Variants in INPP5J observed in about 807,000 individuals in gnomAD.
INPP5J encodes the protein phosphatidylinositol 4,5-bisphosphate 5-phosphatase A.
A neutral mutation model predicts 86.6 loss-of-function variants in INPP5J; 75 were observed. The observed-to-expected ratio is 0.87, with a 90% CI of 0.72 to 1.05. The LOEUF (loss-of-function observed/expected upper bound fraction) is 1.05. Ranked by LOEUF, INPP5J falls within the 50% of genes least tolerant of loss-of-function variation. The probability of loss-of-function intolerance (pLI) is 0.00; values close to 1 mark genes in which losing one functional copy is unlikely to be tolerated. For missense variants in INPP5J, 1,229 were observed against 1,341.2 expected (o/e 0.92, Z 1.31); for synonymous variants, 540 against 550.0 (o/e 0.98, Z 0.25).
chr22:31,127,327 CCCATGAG>C, intron 5 of INPP5J, 23 bp from the exon 6 acceptor site: 3 of 1,579,176 alleles, frequency 1.9e-6, no homozygotes, highest in Non-Finnish European at 2.6e-6. Context: ...CTAAGCCCCG[CCCATGAG>C]CCATCCGACC....
At position 31,133,720 on chromosome 22, in the gene INPP5J, T is replaced by C. The variant is rs768106175; in HGVS notation, c.2514+6T>C. 1.2e-6 allele frequency: 2 copies of C among 1,607,626 alleles called. No individual in the cohort carries two copies. Among genetic ancestry groups the C allele is most frequent in the Non-Finnish European group, 1.7e-6 (2 of 1,175,282 alleles). On this transcript the variant is annotated splice_donor_region_variant and intron_variant, in intron 12 of 12. Transcript: ENST00000331075. ...GCATCACTGAACCCTTCCAGGTAAG[T>C]AGGCCAGACTGCTGGGCTGGGGGTG...
chr22:31,127,098 C>T, intron 5 of INPP5J, 61 bp downstream of exon 5: 1 of 1,190,370 alleles, frequency 8.4e-7, no homozygotes, highest in South Asian at 1.3e-5. Context: ...GATTAGTCCC[C>T]CCGCCCCATG....
In INPP5J at chr22:31,126,991, G is replaced by C; in HGVS notation, c.1565G>C (p.Arg522Pro). ...FAKYYHLPFL[R>P]DVQTDCTRTG... ...AAGTACTACCACCTGCCCTTCCTGCGAGACGTGCAGACCGACTGCACGCGC... is the reference window on the plus strand; with the variant it reads ...AAGTACTACCACCTGCCCTTCCTGCCAGACGTGCAGACCGACTGCACGCGC... The change falls in exon 5 of 13, where the codon CGA (arginine) becomes CCA (proline). Residue 522 changes from arginine (R) to proline (P), a missense_variant. By Grantham distance (103) the Arg-to-Pro change is moderately radical. Transcript: ENST00000331075. 1 of 1,609,292 alleles carries C rather than the reference G, an allele frequency of 6.2e-7. No individual in the cohort carries two copies. Among genetic ancestry groups the C allele is most frequent in the Non-Finnish European group, 8.5e-7 (1 of 1,177,868 alleles).
Position 31,127,288 on chromosome 22 carries a change from C to G in INPP5J, c.1612-69C>G, listed in dbSNP as rs1476394224. The G allele has an allele frequency of 2.8e-6, 4 of 1,430,114 alleles. No homozygotes were observed. The East Asian group carries it at 7.3e-5, about 26-fold the overall frequency. 88.6% of individuals were successfully genotyped at this position (1,430,114 alleles called of 1,614,324 possible). ...CCTTCCACCCACATCTCCTCTCTAA[C>G]CCCCGCTCCCAGTGCCTCACCTCCT... On this transcript the variant is annotated intron_variant, in intron 5 of 12. Transcript: ENST00000331075.
chr22:31,134,072 G>A lies in INPP5J; in HGVS notation c.2674G>A (p.Ala892Thr). The A allele has an allele frequency of 1.3e-6, 2 of 1,571,068 alleles. No individual in the cohort carries two copies. Among genetic ancestry groups the A allele is most frequent in the East Asian group, 2.4e-5 (1 of 41,862 alleles). ...ACACCGCAGCCGCAGCCCGGGACTG[G>A]CCAGGTTCCCTGGGCTTGCCCTACG... ...KRHRSRSPGL[A>T]RFPGLALRPS... The change falls in exon 13 of 13, where the codon GCC (alanine) becomes ACC (threonine). Residue 892 changes from alanine (A) to threonine (T), a missense_variant. Transcript: ENST00000331075.
At chr22:31,133,890 C>T (rs1242478755) in intron 12 of INPP5J, 23 bp from the exon 13 acceptor site, 3 of 1,604,602 alleles carry the variant, frequency 1.9e-6, no homozygotes, top group African/African-American at 2.7e-5. Flanking sequence ...GCAGGGCGCC[C>T]CAGTGACCAG....
rs1357159968 is a variant in INPP5J, at chr22:31,125,444, T to G, written c.705T>G (p.Ala235=). 3.2e-6 allele frequency: 5 copies of G among 1,550,578 alleles called. No homozygotes were observed. The highest frequency in any genetic ancestry group is 3.5e-6 in the Non-Finnish European group (4 of 1,146,970). ...CAGCCTCTGTGGGACAGACATCAGC[T>G]AGAAAGAGGGATGCCCCAGCCCCTA... The part of the protein sequence containing the change: ...SGAASVGQTS[A]RKRDAPAPRP... Residue 235 remains alanine, a synonymous_variant, in exon 2 of 13, where the codon GCT becomes GCG. Transcript: ENST00000331075.
chr22:31,132,238 A>G (rs934400628), intron 9 of INPP5J, among the ~76,000 whole-genome samples: 4 of 152,236 alleles, frequency 2.6e-5, no homozygotes, highest in African/African-American at 7.2e-5. Flanking sequence ...TGAGGTCTCC[A>G]TCCTCCCACG....
chr22:31,127,152 C>T (rs963054058), intron 5 of INPP5J, 115 bp downstream of exon 5: 20 of 844,472 alleles, frequency 2.4e-5, no homozygotes, highest in South Asian at 1.1e-4. Context: ...TACCCTGCGG[C>T]CCAGCCCCCC....
intron 6 of INPP5J, 89 bp downstream of exon 6, chr22:31,127,621 G>T (rs964102315): frequency 1.3e-5 from 18 of 1,354,402 alleles, no homozygotes; most frequent in Non-Finnish European, 3.0e-6. Flanking sequence ...ATGGAGAGAG[G>T]CAGGGCCTAT....
Position 31,127,932 on chromosome 22 carries a change from C to G in INPP5J, c.1788-19C>G. 6.7e-7 allele frequency: 1 copy of G among 1,497,114 alleles called. No homozygotes were observed. The highest frequency in any genetic ancestry group is 1.4e-5 in the African/African-American group (1 of 72,398). The allele number at this position is 1,497,114 out of a possible 1,614,324, so 92.7% of individuals were successfully genotyped here. ...CCCCCACTGCCCCCCACATCTCTCC[C>G]ATCCCCCACCCCAAACAGCCTCGTG... On this transcript the variant is annotated intron_variant, in intron 6 of 12. Transcript: ENST00000331075.
chr22:31,126,435 T>C lies in INPP5J; in HGVS notation c.1331T>C (p.Leu444Pro). Residue 444 changes from leucine to proline, a missense_variant, in exon 3 of 13, where the codon CTC (leucine) becomes CCC (proline). By Grantham distance (98) the Leu-to-Pro change is moderately conservative (BLOSUM62 -3). Transcript: ENST00000331075. ...ATGCCCCCAGACGATGTCACATCCC[T>C]CCTCCACCTGGGCGGTGGTGACGAC... is the stretch of plus-strand genomic sequence containing the variant. ...TAMPPDDVTS[L>P]LHLGGGDDSD... 1 of 1,613,784 alleles carries C rather than the reference T, an allele frequency of 6.2e-7. No individual in the cohort carries two copies. Among genetic ancestry groups the C allele is most frequent in the Non-Finnish European group, 8.5e-7 (1 of 1,179,828 alleles).
intron 9 of INPP5J, among the ~76,000 whole-genome samples, chr22:31,129,768 C>T (rs1164632045): frequency 6.6e-6 from 1 of 151,772 alleles, no homozygotes; most frequent in Non-Finnish European, 1.5e-5. Flanking sequence ...TCTCGAACTC[C>T]TGACCTCCGG....
rs1921601457 is a variant in INPP5J at position 31,127,397 on chromosome 22, G to A, written c.1652G>A (p.Gly551Glu). 1.2e-6 allele frequency: 2 copies of A among 1,613,588 alleles called. No homozygotes were observed. The highest frequency in any genetic ancestry group is 1.7e-6 in the Non-Finnish European group (2 of 1,179,722). ...GGVSVRLAAF[G>E]HMLCFLNCHL... ...GTGAGCGTGCGCCTGGCGGCCTTCG[G>A]GCACATGCTCTGCTTCCTGAACTGC... is the stretch of plus-strand genomic sequence containing the variant. Residue 551 changes from glycine to glutamate, a missense_variant, in exon 6 of 13, where the codon GGG (glycine) becomes GAG (glutamate). By Grantham distance (98) the Gly-to-Glu change is moderately conservative. Coordinates refer to ENST00000331075, the MANE Select transcript of INPP5J (RefSeq NM_001284285.2).
chr22:31,134,578 C>T lies in INPP5J; in HGVS notation c.*159C>T. 3.1e-6 allele frequency: 2 copies of T among 650,540 alleles called. No individual in the cohort carries two copies. The highest frequency in any genetic ancestry group is 3.1e-5 in the East Asian group (1 of 31,794). 40.3% of individuals were successfully genotyped at this position (650,540 alleles called of 1,614,324 possible). On this transcript the variant is annotated 3_prime_UTR_variant, in exon 13 of 13. Coordinates refer to ENST00000331075, the MANE Select transcript of INPP5J (RefSeq NM_001284285.2). ...GGGGTCCCCCAAAACTCAGTCCTGGCACCTCAACTGTGACAATCAGCAAAG... is the reference window on the plus strand; with the variant it reads ...GGGGTCCCCCAAAACTCAGTCCTGGTACCTCAACTGTGACAATCAGCAAAG...
intron 9 of INPP5J, among the ~76,000 whole-genome samples, chr22:31,128,927 C>CTTTTTTTT (rs56761879): frequency 3.7e-5 from 3 of 80,000 alleles, no homozygotes; most frequent in Non-Finnish European, 4.8e-5. Flanking sequence ...CATGCCTTTT[C>CTTTTTTTT]TTTTTTTTTT....
At position 31,133,695 on chromosome 22, in the gene INPP5J, G is replaced by A; in HGVS notation, c.2495G>A (p.Gly832Asp). ...AGTCACAACCACAGCATCCTCATCG[G>A]CATCACTGAACCCTTCCAGGTAAGT... is the stretch of plus-strand genomic sequence containing the variant. ...YYSHNHSILI[G>D]ITEPFQISLP... The change falls in exon 12 of 13, where the codon GGC becomes GAC. Residue 832 changes from glycine to aspartate, a missense_variant. Coordinates refer to ENST00000331075, the MANE Select transcript of INPP5J (RefSeq NM_001284285.2). 6.2e-7 allele frequency: 1 copy of A among 1,612,748 alleles called. No homozygotes were observed. Among genetic ancestry groups the A allele is most frequent in the Non-Finnish European group, 8.5e-7 (1 of 1,179,338 alleles).
intron 9 of INPP5J, among the ~76,000 whole-genome samples, chr22:31,130,009 A>C (rs970059627): frequency 1.3e-5 from 2 of 151,098 alleles, no homozygotes; most frequent in African/African-American, 4.9e-5. Flanking sequence ...GGAGTTTAAG[A>C]CCGGCCTGAG....
In INPP5J at chr22:31,133,404, AG is replaced by A. The variant is rs1216425541; in HGVS notation, c.2332del. 6.2e-7 allele frequency: 1 copy of A among 1,613,836 alleles called. No individual in the cohort carries two copies. The highest frequency in any genetic ancestry group is 1.1e-5 in the South Asian group (1 of 91,056). ...ACTGATTCCACAACACTGATCCCCC[AG>A]GTGGGTTTCCGCCATTGCAAGGACT... On this transcript the variant is annotated splice_acceptor_variant, in intron 10 of 12. Coordinates refer to ENST00000331075, the MANE Select transcript of INPP5J (RefSeq NM_001284285.2). LOFTEE classifies it high-confidence loss of function.
Sources: gnomAD v4.1 joint callset for allele counts (sites outside exome capture counted in the v4.1 genomes callset) on GRCh38, gnomAD v4.1.1 for gene constraint, MANE v1.5 for transcripts, NCBI Gene and HGNC (gene_info 2026-07-23, HGNC 2026-07-21) for gene names.